TNFAIP6: variants seen among roughly 807,000 people sequenced by gnomAD.
TNFAIP6 encodes TNF alpha induced protein 6.
TNFAIP6 carries 36 observed loss-of-function variants against 33.7 expected under a neutral mutation model. The observed-to-expected ratio is 1.07, with a 90% confidence interval of 0.82 to 1.41. The LOEUF (loss-of-function observed/expected upper bound fraction) is 1.41. Ranked by LOEUF, TNFAIP6 falls within the 40% of genes most tolerant of loss-of-function variation. The pLI is 0.00. For missense variants in TNFAIP6, 273 were observed against 331.9 expected, an observed-to-expected ratio of 0.82 and a Z score of 1.38; for synonymous variants, 113 against 112.8, an observed-to-expected ratio of 1.00 and a Z score of -0.01.
intron 1 of TNFAIP6, 68 bp downstream of exon 1, chr2:151,357,828 T>A: frequency 9.6e-7 from 1 of 1,043,448 alleles, no homozygotes; most frequent in Non-Finnish European, 1.5e-6. Context: ...GAAGGAAATT[T>A]AAAGCAGTAA....
chr2:151,363,522 C>A (rs542329547), intron 1 of TNFAIP6, among the ~76,000 whole-genome samples: 5 of 147,566 alleles, frequency 3.4e-5, no homozygotes, highest in Admixed American at 6.7e-5. Context: ...ATTAGCCAGG[C>A]GTGATGGCGG....
intron 1 of TNFAIP6, among the ~76,000 whole-genome samples, chr2:151,362,560 G>A (rs1463294900): frequency 8.8e-5 from 11 of 124,794 alleles, no homozygotes; most frequent in Non-Finnish European, 1.6e-4. Context: ...GCGCAATCTC[G>A]GCTCACTGCA....
At chr2:151,376,737 G>T (rs952498322) in intron 5 of TNFAIP6, among the ~76,000 whole-genome samples, 1 of 151,220 alleles carries the variant, frequency 6.6e-6, no homozygotes, top group African/African-American at 2.4e-5. Context: ...TGAGGCATTT[G>T]ATTCTGATTT....
At chr2:151,377,677 T>A (rs895696298) in intron 5 of TNFAIP6, among the ~76,000 whole-genome samples, 7 of 152,204 alleles carry the variant, frequency 4.6e-5, no homozygotes, top group Non-Finnish European at 7.3e-5. Context: ...TGAACACCTA[T>A]GAATTGCCTA....
chr2:151,365,595 C>T (rs1461587785), intron 2 of TNFAIP6, among the ~76,000 whole-genome samples: 1 of 152,018 alleles, frequency 6.6e-6, no homozygotes, highest in Non-Finnish European at 1.5e-5. Flanking sequence ...GCCAAGATTG[C>T]ACCACCCCAC....
intron 1 of TNFAIP6, among the ~76,000 whole-genome samples, chr2:151,362,201 G>A (rs1326289102): frequency 6.6e-6 from 1 of 152,064 alleles, no homozygotes; most frequent in Non-Finnish European, 1.5e-5. Context: ...TTTTCACATT[G>A]TTTCTATGGT....
intron 4 of TNFAIP6, among the ~76,000 whole-genome samples, chr2:151,372,975 C>A (rs1684841894): frequency 6.6e-6 from 1 of 152,048 alleles, no homozygotes; most frequent in Admixed American, 6.6e-5. Context: ...ATCTGCTGCA[C>A]AAAATTTTCT....
At chr2:151,362,469 CT>C (rs1394369410) in intron 1 of TNFAIP6, among the ~76,000 whole-genome samples, 4 of 98,456 alleles carry the variant, frequency 4.1e-5, no homozygotes, top group Non-Finnish European at 8.6e-5. Flanking sequence ...TTTTATTTGT[CT>C]TACTAAATTC....
intron 5 of TNFAIP6, among the ~76,000 whole-genome samples, chr2:151,376,826 T>C (rs971023333): frequency 6.6e-6 from 1 of 151,416 alleles, no homozygotes; most frequent in Non-Finnish European, 1.5e-5. Flanking sequence ...TAAAAAAAAA[T>C]AGATTCCTAC....
At chr2:151,366,780 T>G in intron 3 of TNFAIP6, among the ~76,000 whole-genome samples, 2 of 152,332 alleles carry the variant, frequency 1.3e-5, no homozygotes, top group South Asian at 4.1e-4. Context: ...ACTCTAATTC[T>G]ATGGTTTAAC....
At chr2:151,380,627 G>A (rs1684998045), downstream of TNFAIP6, among the ~76,000 whole-genome samples, 1 of 152,322 alleles carries the variant, frequency 6.6e-6, no homozygotes, top group South Asian at 2.1e-4. Context: ...GAGGAGAGCA[G>A]AAACAGAAAA....
intron 5 of TNFAIP6, 23 bp downstream of exon 5, chr2:151,373,612 A>C: frequency 1.4e-6 from 2 of 1,447,806 alleles, no homozygotes; most frequent in Admixed American, 2.0e-5. Flanking sequence ...ATTGAGGACC[A>C]AAACTATGAT....
chr2:151,371,593 CT>C (rs201397265), intron 4 of TNFAIP6, among the ~76,000 whole-genome samples: 21,319 of 145,918 alleles, frequency 0.15, 1,560 homozygotes, highest in African/African-American at 0.2. Context: ...ATCTTTTTTT[CT>C]TTTTTTTTTT....
intron 3 of TNFAIP6, 22 bp from the exon 4 acceptor site, chr2:151,369,997 CG>C (rs1684786351): frequency 1.3e-6 from 2 of 1,554,950 alleles, no homozygotes; most frequent in African/African-American, 1.4e-5. Context: ...GGGGTTTTTA[CG>C]TTTTTTTTCT....
intron 1 of TNFAIP6, among the ~76,000 whole-genome samples, chr2:151,362,633 G>GGC (rs1231184859): frequency 5.9e-5 from 9 of 151,664 alleles, no homozygotes; most frequent in African/African-American, 1.9e-4. Flanking sequence ...TGGGACTACA[G>GGC]GTGCCTGCCA....
At chr2:151,379,331 A>G (rs201268954) in intron 5 of TNFAIP6, 33 bp from the exon 6 acceptor site, 32 of 1,559,396 alleles carry the variant, frequency 2.1e-5, no homozygotes, top group Non-Finnish European at 2.8e-5. Flanking sequence ...GGAGAGTAAC[A>G]TCTTTGTTCT....
chr2:151,373,850 A>G (rs1558901257), intron 5 of TNFAIP6: 2 of 244,454 alleles, frequency 8.2e-6, no homozygotes, highest in Non-Finnish European at 1.5e-5. Flanking sequence ...TGAATCTGCA[A>G]ATCCACAAAT....
intron 3 of TNFAIP6, 46 bp from the exon 4 acceptor site, chr2:151,369,974 T>A: frequency 7.1e-7 from 1 of 1,417,244 alleles, no homozygotes; most frequent in Non-Finnish European, 9.8e-7. Flanking sequence ...GATAATGTTT[T>A]TCCTAATGCT....
chr2:151,360,118 A>T (rs1452646854), intron 1 of TNFAIP6, among the ~76,000 whole-genome samples: 2 of 152,028 alleles, frequency 1.3e-5, no homozygotes, highest in African/African-American at 4.8e-5. Context: ...GGCAACATAG[A>T]GAAACTCTGT....
Sources: allele counts gnomAD v4.1 joint callset (sites outside exome capture counted in the v4.1 genomes callset), GRCh38; gene constraint gnomAD v4.1.1; transcripts MANE v1.5; gene names NCBI Gene and HGNC (gene_info 2026-07-23, HGNC 2026-07-21).